Variants in OPCML observed in about 807,000 individuals in gnomAD.
OPCML encodes the protein opioid-binding protein/cell adhesion molecule.
In OPCML, 13 loss-of-function variants were observed where a neutral mutation model predicts 37.8. That is an observed-to-expected ratio of 0.34 (90% CI 0.22 to 0.55). The LOEUF is 0.55. Ranked by LOEUF, OPCML falls within the 20% of genes least tolerant of loss-of-function variation. OPCML has a pLI of 0.91. For missense variants in OPCML, 341 were observed against 435.6 expected, an observed-to-expected ratio of 0.78 and a Z score of 1.93; for synonymous variants, 176 against 168.8, an observed-to-expected ratio of 1.04 and a Z score of -0.33.
intron 2 of OPCML, among the ~76,000 whole-genome samples, chr11:132,789,772 G>A (rs1937769718): frequency 6.6e-6 from 1 of 152,122 alleles, no homozygotes; most frequent in South Asian, 2.1e-4. Context: ...AGCAAAGCTC[G>A]CTGCCACAGC....
chr11:133,382,518 A>C (rs984832703), intron 1 of OPCML, among the ~76,000 whole-genome samples: 36 of 151,900 alleles, frequency 2.4e-4, no homozygotes, highest in African/African-American at 8.0e-4. Context: ...GGGGTCACAC[A>C]CCCCCACATC....
intron 1 of OPCML, among the ~76,000 whole-genome samples, chr11:133,239,457 C>G (rs1204367359): frequency 3.9e-5 from 6 of 152,128 alleles, no homozygotes; most frequent in Admixed American, 1.3e-4. Flanking sequence ...AGAGAAAAAG[C>G]CTGCAAAAAT....
At chr11:133,479,868 A>T (rs997255059) in intron 1 of OPCML, among the ~76,000 whole-genome samples, 1 of 152,164 alleles carries the variant, frequency 6.6e-6, no homozygotes, top group Non-Finnish European at 1.5e-5. Context: ...TCCACCCACG[A>T]TGCTAAGGCC....
intron 3 of OPCML, among the ~76,000 whole-genome samples, chr11:132,578,583 G>A (rs983443986): frequency 2.0e-5 from 3 of 152,130 alleles, no homozygotes; most frequent in Non-Finnish European, 4.4e-5. Flanking sequence ...CATCCTTGTT[G>A]AATGTAACAT....
intron 1 of OPCML, among the ~76,000 whole-genome samples, chr11:133,283,842 T>A (rs1338812985): frequency 6.6e-6 from 1 of 152,198 alleles, no homozygotes; most frequent in Non-Finnish European, 1.5e-5. Context: ...TAGTCTGTGC[T>A]CAGCTCCACA....
intron 2 of OPCML, among the ~76,000 whole-genome samples, chr11:132,903,254 C>G (rs1944125536): frequency 6.6e-6 from 1 of 152,190 alleles, no homozygotes; most frequent in Admixed American, 6.5e-5. Context: ...TTCCTCCACC[C>G]TCACAGGCTA....
Position 132,527,604 on chromosome 11 carries a change from C to T in OPCML, c.505+1457G>A, listed in dbSNP as rs113754235. ...TTGTGTTGGAAGAATTCTTCATATA[C>T]ACTAGATGTAAATTTTTTGTCAAAT... On this transcript the variant is annotated intron_variant, in intron 4 of 7. Coordinates refer to ENST00000524381, the MANE Select transcript of OPCML (RefSeq NM_001012393.5). 4.0e-5 allele frequency among the ~76,000 whole-genome samples: 6 copies of T among 151,870 alleles called. 2 individuals are homozygous for T. Among genetic ancestry groups the T allele is most frequent in the East Asian group, 1.9e-4 (1 of 5,164 alleles).
chr11:133,118,697 A>G (rs1949375394), intron 1 of OPCML, among the ~76,000 whole-genome samples: 1 of 151,928 alleles, frequency 6.6e-6, no homozygotes, highest in African/African-American at 2.4e-5. Flanking sequence ...TCAGTAGCAC[A>G]GAACTCCCAC....
intron 7 of OPCML, among the ~76,000 whole-genome samples, chr11:132,422,757 G>A: frequency 6.6e-6 from 1 of 152,314 alleles, no homozygotes; most frequent in African/African-American, 2.4e-5. Flanking sequence ...AGCTGGATTA[G>A]AACCAAGTCA....
intron 3 of OPCML, among the ~76,000 whole-genome samples, chr11:132,588,826 C>T (rs567249748): frequency 1.1e-4 from 17 of 152,338 alleles, no homozygotes; most frequent in Admixed American, 3.9e-4. Flanking sequence ...TCCGGTTCTG[C>T]CTTCTTCACT....
At chr11:133,165,829 C>A (rs574225968) in intron 1 of OPCML, among the ~76,000 whole-genome samples, 1 of 152,234 alleles carries the variant, frequency 6.6e-6, no homozygotes, top group African/African-American at 2.4e-5. Flanking sequence ...AACTCCAGAC[C>A]ACCCTGGTCC....
chr11:133,168,988 G>A (rs1433976895), intron 1 of OPCML, among the ~76,000 whole-genome samples: 2 of 152,212 alleles, frequency 1.3e-5, no homozygotes, highest in South Asian at 2.1e-4. Flanking sequence ...AAGCTAGCTG[G>A]GTGTGGTGGT....
At chr11:132,486,815 G>T (rs374950956) in intron 4 of OPCML, among the ~76,000 whole-genome samples, 1 of 151,928 alleles carries the variant, frequency 6.6e-6, no homozygotes, top group East Asian at 1.9e-4. Flanking sequence ...AATCAGTTTA[G>T]CAAAGCTTAA....
At chr11:133,299,952 T>A (rs1039207563) in intron 1 of OPCML, 4 of 152,210 alleles carry the variant, frequency 2.6e-5, no homozygotes, top group African/African-American at 9.6e-5. Flanking sequence ...CCATACTGAT[T>A]CATTCACCCC....
chr11:133,092,835 GGAGAGAGACAGAGAAAGAGA>G, intron 1 of OPCML, among the ~76,000 whole-genome samples: 1 of 150,714 alleles, frequency 6.6e-6, no homozygotes, highest in South Asian at 2.1e-4. Context: ...GAAAGAGAAA[GGAGAGAGACAGAGAAAGAGA>G]GAGAGAGAGA....
At chr11:133,366,359 C>T (rs759993368) in intron 1 of OPCML, among the ~76,000 whole-genome samples, 1 of 152,152 alleles carries the variant, frequency 6.6e-6, no homozygotes, top group Non-Finnish European at 1.5e-5. Context: ...CGAGTGTCAG[C>T]AATTCTTTTC....
chr11:133,452,418 T>A (rs545714264), intron 1 of OPCML, among the ~76,000 whole-genome samples: 3 of 151,312 alleles, frequency 2.0e-5, no homozygotes, highest in African/African-American at 7.4e-5. Context: ...AAATATCATA[T>A]AAAATTGGTC....
intron 2 of OPCML, among the ~76,000 whole-genome samples, chr11:132,835,744 T>C (rs919331002): frequency 2.0e-5 from 3 of 152,196 alleles, no homozygotes; most frequent in African/African-American, 7.2e-5. Context: ...CTCAAATGCA[T>C]TATGTCAAAG....
At position 133,317,676 on chromosome 11, in the gene OPCML, T is replaced by C. The variant is rs79165320; in HGVS notation, c.61+214588A>G. ...TGTATGCTGTTGTATCTCTGCCTAT[T>C]GGCTCTGCCTGACCTCGCTCCACCA... On this transcript the variant is annotated intron_variant, in intron 1 of 7. Coordinates refer to ENST00000524381, the MANE Select transcript of OPCML (RefSeq NM_001012393.5). Among the ~76,000 whole-genome samples, 11 of 152,354 alleles carry C rather than the reference T, an allele frequency of 7.2e-5. No homozygotes were observed. In the East Asian group the frequency reaches 2.1e-3, roughly 29 times the overall value.
Sources: gnomAD v4.1 joint callset for allele counts (sites outside exome capture counted in the v4.1 genomes callset) on GRCh38, gnomAD v4.1.1 for gene constraint, MANE v1.5 for transcripts, NCBI Gene and HGNC (gene_info 2026-07-23, HGNC 2026-07-21) for gene names.